CTNNA2: variants seen among roughly 807,000 people sequenced by gnomAD.
CTNNA2 encodes the protein catenin alpha 2.
Under a neutral mutation model 101.0 loss-of-function variants are expected in CTNNA2, and 42 were observed. The observed-to-expected ratio is 0.42, with a 90% CI of 0.32 to 0.54. The LOEUF (loss-of-function observed/expected upper bound fraction) is 0.54. Ranked by LOEUF, CTNNA2 falls within the 20% of genes least tolerant of loss-of-function variation. The probability of loss-of-function intolerance (pLI) is 0.14; values close to 1 mark genes in which losing one functional copy is unlikely to be tolerated. For missense variants in CTNNA2, 871 were observed against 1,223.1 expected, an observed-to-expected ratio of 0.71 and a Z score of 4.29; for synonymous variants, 450 against 456.4, an observed-to-expected ratio of 0.99 and a Z score of 0.18.
intron 2 of CTNNA2, among the ~76,000 whole-genome samples, chr2:79,691,523 A>G (rs962205814): frequency 6.6e-6 from 1 of 152,054 alleles, no homozygotes; most frequent in Non-Finnish European, 1.5e-5. Flanking sequence ...AAAAAAAACT[A>G]CTTTAAAATT....
intron 3 of CTNNA2, among the ~76,000 whole-genome samples, chr2:79,340,789 G>A (rs377019291): frequency 1.1e-4 from 15 of 137,026 alleles, no homozygotes; most frequent in Non-Finnish European, 2.0e-4. Context: ...AGCGGAGATC[G>A]CGCCACTGCA....
chr2:79,723,587 T>C (rs1470948061), intron 2 of CTNNA2, among the ~76,000 whole-genome samples: 4 of 152,216 alleles, frequency 2.6e-5, no homozygotes, highest in Non-Finnish European at 4.4e-5. Context: ...AGAATCCCCA[T>C]GTAGCTTTCA....
At chr2:79,745,395 C>T (rs866587139) in intron 3 of CTNNA2, among the ~76,000 whole-genome samples, 7 of 151,716 alleles carry the variant, frequency 4.6e-5, no homozygotes, top group Middle Eastern at 3.4e-3. Flanking sequence ...CGCGCCGCTG[C>T]ACTCCAGCCT....
intron 7 of CTNNA2, among the ~76,000 whole-genome samples, chr2:80,188,833 A>C (rs1239908981): frequency 6.6e-6 from 1 of 151,980 alleles, no homozygotes; most frequent in East Asian, 1.9e-4. Context: ...GTAAGGCAAC[A>C]CATTTGCAGG....
At chr2:79,785,918 C>T (rs1006222362) in intron 3 of CTNNA2, among the ~76,000 whole-genome samples, 3 of 152,082 alleles carry the variant, frequency 2.0e-5, no homozygotes, top group Non-Finnish European at 4.4e-5. Context: ...TGTTTGTATG[C>T]TCTTCACAAT....
intron 1 of CTNNA2, among the ~76,000 whole-genome samples, chr2:79,529,904 A>G (rs958630556): frequency 6.6e-6 from 1 of 151,858 alleles, no homozygotes; most frequent in Non-Finnish European, 1.5e-5. Flanking sequence ...CTGAACCGGG[A>G]CATTCCTTGG....
chr2:79,494,796 A>C (rs1270820145), intron 4 of CTNNA2, among the ~76,000 whole-genome samples: 1 of 152,176 alleles, frequency 6.6e-6, no homozygotes, highest in Admixed American at 6.5e-5. Flanking sequence ...GACCAAAAAA[A>C]AACCAGAATT....
At chr2:80,546,172 G>T in intron 11 of CTNNA2, 109 bp downstream of exon 11, 2 of 1,344,430 alleles carry the variant, frequency 1.5e-6, no homozygotes, top group Non-Finnish European at 1.0e-6. Context: ...GCACTCCTTA[G>T]ATCTTTGAGC....
intron 15 of CTNNA2, among the ~76,000 whole-genome samples, chr2:80,590,774 T>C (rs760670291): frequency 6.6e-6 from 1 of 152,212 alleles, no homozygotes; most frequent in Non-Finnish European, 1.5e-5. Context: ...TTAAATGTCA[T>C]TGTATTCATT....
chr2:79,595,753 A>G (rs1044632949), intron 1 of CTNNA2, among the ~76,000 whole-genome samples: 10 of 151,740 alleles, frequency 6.6e-5, no homozygotes, highest in East Asian at 1.9e-4. Context: ...TTTTTCCTTA[A>G]TGTCACCTAC....
intron 11 of CTNNA2, among the ~76,000 whole-genome samples, chr2:80,549,644 CT>C (rs1210830440): frequency 6.6e-6 from 1 of 152,124 alleles, no homozygotes; most frequent in Non-Finnish European, 1.5e-5. Context: ...ATACTTTTGC[CT>C]TTTATTACTA....
At chr2:79,897,249 G>A (rs965791387) in intron 6 of CTNNA2, among the ~76,000 whole-genome samples, 1 of 151,830 alleles carries the variant, frequency 6.6e-6, no homozygotes, top group East Asian at 1.9e-4. Flanking sequence ...AGGCCATGGG[G>A]AGCCGTTGAA....
intron 9 of CTNNA2, among the ~76,000 whole-genome samples, chr2:80,525,284 G>A (rs1207468149): frequency 6.6e-6 from 1 of 151,868 alleles, no homozygotes; most frequent in Non-Finnish European, 1.5e-5. Flanking sequence ...GGTTGGATGG[G>A]CTCAGTGTGC....
chr2:79,720,794 T>TTCTATA (rs1340173333), intron 2 of CTNNA2, among the ~76,000 whole-genome samples: 2 of 152,256 alleles, frequency 1.3e-5, no homozygotes, highest in East Asian at 3.9e-4. Context: ...CTTTAGGGTT[T>TTCTATA]TCTAGATATA....
intron 2 of CTNNA2, among the ~76,000 whole-genome samples, chr2:79,278,657 A>G (rs59953917): frequency 0.12 from 19,018 of 152,162 alleles, 1,219 homozygotes; most frequent in African/African-American, 0.15. Flanking sequence ...ATAAGCATCA[A>G]AGAAAGAGCC....
chr2:79,392,192 A>C (rs916636159), intron 4 of CTNNA2, among the ~76,000 whole-genome samples: 8 of 152,186 alleles, frequency 5.3e-5, no homozygotes, highest in Non-Finnish European at 8.8e-5. Context: ...GGTTTTGGCC[A>C]AGGTGATGGG....
intron 7 of CTNNA2, among the ~76,000 whole-genome samples, chr2:79,975,204 C>T (rs1690750199): frequency 6.6e-6 from 1 of 152,150 alleles, no homozygotes; most frequent in Admixed American, 6.5e-5. Context: ...GGGTTCTCTC[C>T]ATGGTATCAT....
chr2:80,206,755 T>G (rs919141144), intron 7 of CTNNA2, among the ~76,000 whole-genome samples: 1 of 152,228 alleles, frequency 6.6e-6, no homozygotes, highest in African/African-American at 2.4e-5. Context: ...GATATGGTTT[T>G]GGCCTGAAAA....
chr2:80,172,853 A>G (rs1305337568), intron 7 of CTNNA2, among the ~76,000 whole-genome samples: 3 of 152,120 alleles, frequency 2.0e-5, no homozygotes, highest in African/African-American at 7.2e-5. Flanking sequence ...GTGCCTTCTC[A>G]CATGCCGTTA....
Sources: gnomAD v4.1 joint callset for allele counts (sites outside exome capture counted in the v4.1 genomes callset) on GRCh38, gnomAD v4.1.1 for gene constraint, MANE v1.5 for transcripts, NCBI Gene and HGNC (gene_info 2026-07-23, HGNC 2026-07-21) for gene names.